Variants in SLC25A14 observed in about 807,000 individuals in gnomAD.
SLC25A14 encodes solute carrier family 25 member 14.
Under a neutral mutation model 28.1 loss-of-function variants are expected in SLC25A14, and 8 were observed. The observed-to-expected ratio is 0.28, with a 90% CI of 0.17 to 0.51. SLC25A14 has a LOEUF of 0.51. SLC25A14 is among the 20% of genes least tolerant of loss of function. The pLI is 0.97. For missense variants in SLC25A14, 135 were observed against 263.8 expected, an observed-to-expected ratio of 0.51 and a Z score of 3.38; for synonymous variants, 74 against 90.6, an observed-to-expected ratio of 0.82 and a Z score of 1.04.
At position 130,365,528 on chromosome X, in the gene SLC25A14, C is replaced by T. The variant is rs1569455818; in HGVS notation, c.720-13C>T. ...TGAAAGTGGGGTCGATCTACTTAAACTTTTCCTCTTAGTTCCAGCTTTACA... is the reference window on the plus strand; with the variant it reads ...TGAAAGTGGGGTCGATCTACTTAAATTTTTCCTCTTAGTTCCAGCTTTACA... On this transcript the variant is annotated splice_polypyrimidine_tract_variant and intron_variant, in intron 8 of 10. Coordinates refer to ENST00000545805, the MANE Select transcript of SLC25A14 (RefSeq NM_001282195.2). 2.5e-6 allele frequency: 3 copies of T among 1,210,463 alleles called. No individual in the cohort carries two copies. In the South Asian group the frequency reaches 5.3e-5, roughly 21 times the overall value.
rs2034306790 is a variant in SLC25A14 at position 130,373,237 on chromosome X, A to C, written c.*287A>C. 3.6e-6 allele frequency: 1 copy of C among 275,822 alleles called. No homozygotes were observed. The highest frequency in any genetic ancestry group is 2.8e-5 in the African/African-American group (1 of 35,188). The allele number at this position is 275,822 out of a possible 1,213,427, so 22.7% of individuals were successfully genotyped here. A position where few individuals can be genotyped will look rare whatever the true frequency, so the allele number is the denominator to read the frequency against. Reference sequence around the variant, plus strand: ...GACATTGAAAACGGCCTGCTTTCCAAATGTGGTTAAATGTAATTGGTTAGC... The same window carrying C: ...GACATTGAAAACGGCCTGCTTTCCACATGTGGTTAAATGTAATTGGTTAGC... On this transcript the variant is annotated 3_prime_UTR_variant, in exon 11 of 11. Coordinates refer to ENST00000545805, the MANE Select transcript of SLC25A14 (RefSeq NM_001282195.2).
intron 7 of SLC25A14, among the ~76,000 whole-genome samples, chrX:130,361,556 C>T (rs1187225793): frequency 8.9e-6 from 1 of 112,612 alleles, no homozygotes; most frequent in Non-Finnish European, 1.9e-5. Context: ...TCTTCCTGCT[C>T]TGATTGTAAC....
intron 6 of SLC25A14, among the ~76,000 whole-genome samples, chrX:130,355,355 A>G (rs907260743): frequency 8.9e-6 from 1 of 112,344 alleles, no homozygotes; most frequent in African/African-American, 3.2e-5. Flanking sequence ...TTTATCTTTA[A>G]CAGTTTAAAT....
At position 130,368,325 on chromosome X, in the gene SLC25A14, G is replaced by A. The variant is rs758621371; in HGVS notation, c.855+2649G>A. Reference sequence around the variant, plus strand: ...TTGCAAAAGCCAATTGCTGTGCATTGAGGAATATGTTTGATTATTCATTCA... The same window carrying A: ...TTGCAAAAGCCAATTGCTGTGCATTAAGGAATATGTTTGATTATTCATTCA... On this transcript the variant is annotated intron_variant, in intron 9 of 10. Transcript: ENST00000545805. Among the ~76,000 whole-genome samples the A allele has an allele frequency of 4.5e-5, 5 of 112,199 alleles. No homozygotes were observed. The South Asian group carries it at 1.5e-3, about 33-fold the overall frequency.
chrX:130,364,949 C>T, intron 8 of SLC25A14, 197 bp downstream of exon 8: 1 of 964,329 alleles, frequency 1.0e-6, no homozygotes, highest in East Asian at 5.0e-5. Flanking sequence ...GGCTTGGGTA[C>T]TTGGGAACAT....
Position 130,357,397 on chromosome X carries a change from TG to T in SLC25A14, c.499-1242del, listed in dbSNP as rs760447625. Reference sequence around the variant, plus strand: ...TATCATATTGAGACATCATTTATCTTGATTACTGAGTTTTTCTTGCACTCCC... The same window carrying T: ...TATCATATTGAGACATCATTTATCTTATTACTGAGTTTTTCTTGCACTCCC... On this transcript the variant is annotated intron_variant, in intron 6 of 10. Transcript: ENST00000545805. Among the ~76,000 whole-genome samples, 7 of 111,686 alleles carry T rather than the reference TG, an allele frequency of 6.3e-5. No individual in the cohort carries two copies. The East Asian group carries it at 2.0e-3, about 31-fold the overall frequency.
chrX:130,343,884 T>G (rs184532435), intron 2 of SLC25A14, among the ~76,000 whole-genome samples: 17 of 112,287 alleles, frequency 1.5e-4, no homozygotes, highest in Admixed American at 3.8e-4. Flanking sequence ...CATTTTACAG[T>G]TCAGAAAGTG....
At chrX:130,354,095 C>CTT (rs747971751) in intron 6 of SLC25A14, among the ~76,000 whole-genome samples, 25 of 97,029 alleles carry the variant, frequency 2.6e-4, no homozygotes, top group African/African-American at 3.4e-4. Context: ...CTTTTTCATT[C>CTT]TTTTTTTTTT....
In SLC25A14 at chrX:130,372,984, C is replaced by T; in HGVS notation, c.*34C>T. ...TTATATGTGAGCCCAGCCCTGCCAG[C>T]CTTTCTACTCCTTTGCCCTTTTCCC... On this transcript the variant is annotated 3_prime_UTR_variant, in exon 11 of 11. Coordinates refer to ENST00000545805, the MANE Select transcript of SLC25A14 (RefSeq NM_001282195.2). The T allele has an allele frequency of 9.9e-7, 1 of 1,011,222 alleles. No homozygotes were observed. Among genetic ancestry groups the T allele is most frequent in the Non-Finnish European group, 1.4e-6 (1 of 723,711 alleles). The allele number at this position is 1,011,222 out of a possible 1,213,427, so 83.3% of individuals were successfully genotyped here.
chrX:130,342,571 A>G (rs1246676491), intron 2 of SLC25A14, among the ~76,000 whole-genome samples: 1 of 111,938 alleles, frequency 8.9e-6, no homozygotes, highest in African/African-American at 3.2e-5. Flanking sequence ...TTTTGGCTCA[A>G]TATGAGGAGG....
chrX:130,371,238 A>G (rs2034255710), intron 9 of SLC25A14, among the ~76,000 whole-genome samples: 1 of 111,634 alleles, frequency 9.0e-6, no homozygotes. Flanking sequence ...ACCAAATACT[A>G]TGGGGTGGAG....
In SLC25A14 at chrX:130,371,626, T is replaced by C. The variant is rs1279111841; in HGVS notation, c.918T>C (p.Leu306=). ...GATTTTGGCCAAACTGGCTTCGGCT[T>C]GGACCCTGGAACATCATTGTATCCT... ...YKGFWPNWLR[L]GPWNIIFFIT... The change falls in exon 10 of 11, where the codon CTT becomes CTC. Residue 306 remains leucine, a synonymous_variant. Transcript: ENST00000545805. The C allele has an allele frequency of 8.3e-7, 1 of 1,200,596 alleles. No homozygotes were observed. Among genetic ancestry groups the C allele is most frequent in the Non-Finnish European group, 1.1e-6 (1 of 885,526 alleles).
chrX:130,347,988 A>T (rs775707479), intron 4 of SLC25A14, among the ~76,000 whole-genome samples: 1 of 111,595 alleles, frequency 9.0e-6, no homozygotes, highest in African/African-American at 3.3e-5. Context: ...TTTGGGGAAC[A>T]TTTAAATTCA....
chrX:130,373,243 G>T lies in SLC25A14; in HGVS notation c.*293G>T, dbSNP rs2034306951. 1 of 276,148 alleles carries T rather than the reference G, an allele frequency of 3.6e-6. No homozygotes were observed. Among genetic ancestry groups the T allele is most frequent in the Non-Finnish European group, 6.2e-6 (1 of 161,429 alleles). 22.8% of individuals were successfully genotyped at this position (276,148 alleles called of 1,213,427 possible). On this transcript the variant is annotated 3_prime_UTR_variant, in exon 11 of 11. Transcript: ENST00000545805. ...GAAAACGGCCTGCTTTCCAAATGTG[G>T]TTAAATGTAATTGGTTAGCCCCAGA...
intron 7 of SLC25A14, chrX:130,358,954 G>A (rs1258662185): frequency 3.6e-6 from 3 of 841,842 alleles, no homozygotes. Flanking sequence ...CATTATTTGA[G>A]ATGGCTGTTT....
intron 2 of SLC25A14, among the ~76,000 whole-genome samples, chrX:130,343,233 T>TAA (rs1320237359): frequency 8.9e-6 from 1 of 112,336 alleles, no homozygotes; most frequent in Non-Finnish European, 1.9e-5. Context: ...AATGGAGAGT[T>TAA]AATTTTTTCC....
intron 4 of SLC25A14, among the ~76,000 whole-genome samples, chrX:130,347,686 A>T (rs964991119): frequency 2.7e-5 from 3 of 111,773 alleles, no homozygotes; most frequent in Non-Finnish European, 3.8e-5. Flanking sequence ...TGATTTTTTT[A>T]AAAAAATCTT....
intron 9 of SLC25A14, among the ~76,000 whole-genome samples, chrX:130,366,954 G>T (rs1046194878): frequency 1.8e-5 from 2 of 112,069 alleles, no homozygotes; most frequent in Non-Finnish European, 3.8e-5. Context: ...ACTACTAAGG[G>T]GATAAGCCTG....
At chrX:130,366,222 A>G (rs2034112763) in intron 9 of SLC25A14, among the ~76,000 whole-genome samples, 1 of 112,521 alleles carries the variant, frequency 8.9e-6, no homozygotes, top group Non-Finnish European at 1.9e-5. Flanking sequence ...TTTAACAACT[A>G]TTACATATTA....
Sources: allele counts gnomAD v4.1 joint callset (sites outside exome capture counted in the v4.1 genomes callset), GRCh38; gene constraint gnomAD v4.1.1; transcripts MANE v1.5; gene names NCBI Gene and HGNC (gene_info 2026-07-23, HGNC 2026-07-21).